ARID2: variants seen among roughly 807,000 people sequenced by gnomAD.
ARID2 encodes the protein AT-rich interactive domain-containing protein 2.
In ARID2, 32 loss-of-function variants were observed where a neutral mutation model predicts 184.6. The ratio of observed to expected loss-of-function variants is 0.17; its 90% CI spans 0.13 to 0.23. The LOEUF is 0.23. Ranked by LOEUF, ARID2 falls within the 10% of genes least tolerant of loss-of-function variation. The probability of loss-of-function intolerance (pLI) is 1.00; values close to 1 mark genes in which losing one functional copy is unlikely to be tolerated. For synonymous variants in ARID2, 836 were observed against 772.6 expected (o/e 1.08, Z -1.36); for missense variants, 1,696 against 2,197.6 (o/e 0.77, Z 4.56).
chr12:45,888,241 A>G (rs1944230636), intron 16 of ARID2, among the ~76,000 whole-genome samples: 1 of 152,160 alleles, frequency 6.6e-6, no homozygotes, highest in Non-Finnish European at 1.5e-5. Flanking sequence ...TTTTTCAGTA[A>G]TAAGCATTTT....
intron 3 of ARID2, among the ~76,000 whole-genome samples, chr12:45,749,643 T>C (rs967207928): frequency 2.0e-5 from 3 of 152,232 alleles, no homozygotes; most frequent in Admixed American, 6.5e-5. Context: ...AAATCTGTTG[T>C]TTAGTGTAGC....
chr12:45,763,404 A>G (rs957936933), intron 3 of ARID2, among the ~76,000 whole-genome samples: 2 of 151,720 alleles, frequency 1.3e-5, no homozygotes, highest in African/African-American at 4.8e-5. Context: ...CAGGAGGCGG[A>G]GGTTGCAGTG....
At chr12:45,746,589 A>G (rs1036526545) in intron 3 of ARID2, among the ~76,000 whole-genome samples, 24 of 152,192 alleles carry the variant, frequency 1.6e-4, no homozygotes, top group African/African-American at 5.3e-4. Flanking sequence ...TTAAGTTTAT[A>G]TTTTTTTAGC....
chr12:45,882,512 T>A (rs899746188), intron 16 of ARID2, among the ~76,000 whole-genome samples: 1 of 152,248 alleles, frequency 6.6e-6, no homozygotes, highest in Non-Finnish European at 1.5e-5. Flanking sequence ...TACTTCTACT[T>A]CTTCCAAAAG....
chr12:45,798,845 A>C (rs964456566), intron 3 of ARID2, among the ~76,000 whole-genome samples: 1 of 151,998 alleles, frequency 6.6e-6, no homozygotes, highest in African/African-American at 2.4e-5. Context: ...TACTTCTTCC[A>C]TCCAGCTTTA....
intron 16 of ARID2, among the ~76,000 whole-genome samples, chr12:45,870,403 A>G (rs1270927371): frequency 2.6e-5 from 4 of 152,184 alleles, no homozygotes; most frequent in African/African-American, 7.2e-5. Flanking sequence ...GACACCTTGC[A>G]TTAGTGTGGT....
chr12:45,750,205 T>C (rs899712452), intron 3 of ARID2, among the ~76,000 whole-genome samples: 4 of 152,130 alleles, frequency 2.6e-5, no homozygotes, highest in Non-Finnish European at 5.9e-5. Flanking sequence ...TATAGTTGTG[T>C]CTCAGGGTAT....
intron 16 of ARID2, among the ~76,000 whole-genome samples, chr12:45,874,670 A>G (rs1943982444): frequency 6.6e-5 from 10 of 152,130 alleles, no homozygotes; most frequent in Admixed American, 6.5e-4. Flanking sequence ...TTTCTTCCAT[A>G]CTCCTGCTAA....
At chr12:45,765,056 A>G (rs1255670247) in intron 3 of ARID2, among the ~76,000 whole-genome samples, 2 of 152,212 alleles carry the variant, frequency 1.3e-5, no homozygotes. Context: ...AAGATGTGTA[A>G]TAATATCTCA....
intron 16 of ARID2, 115 bp downstream of exon 16, chr12:45,861,064 T>C (rs1943737982): frequency 1.1e-6 from 1 of 884,788 alleles, no homozygotes. Context: ...CCACTAACTT[T>C]AGCGAAACTA....
rs2138092229 is a variant in ARID2, at chr12:45,817,677, G to T, written c.426G>T (p.Leu142=). ...NYQQHSVSDY[L]RQSYGLSMDF... is the part of the protein sequence containing the mutation. ...ATTTTTTTTCTTTGTTAGATTATCT[G>T]CGTCAAAGTTATGGGCTGTCCATGG... The change falls in exon 5 of 21, where the codon CTG becomes CTT. Residue 142 remains leucine (L), a synonymous_variant. Coordinates refer to ENST00000334344, the MANE Select transcript of ARID2 (RefSeq NM_152641.4). 6.2e-7 allele frequency: 1 copy of T among 1,604,970 alleles called. No homozygotes were observed. The highest frequency in any genetic ancestry group is 1.7e-5 in the Admixed American group (1 of 58,538).
intron 18 of ARID2, among the ~76,000 whole-genome samples, chr12:45,893,033 T>C (rs1232017119): frequency 1.3e-5 from 2 of 152,212 alleles, no homozygotes; most frequent in African/African-American, 4.8e-5. Flanking sequence ...AGAAATAATT[T>C]GTAGCAAAAA....
At chr12:45,889,104 C>T (rs1480229659) in intron 16 of ARID2, among the ~76,000 whole-genome samples, 1 of 152,196 alleles carries the variant, frequency 6.6e-6, no homozygotes, top group Non-Finnish European at 1.5e-5. Flanking sequence ...AACACTTGAA[C>T]TCAGGAGATA....
intron 3 of ARID2, among the ~76,000 whole-genome samples, chr12:45,738,444 A>ACAG (rs1941174465): frequency 6.6e-6 from 1 of 152,026 alleles, no homozygotes; most frequent in African/African-American, 2.4e-5. Flanking sequence ...TCTCCCAGGT[A>ACAG]GCTGGAATTA....
rs1161789007 is a variant in ARID2, at chr12:45,905,293, AAAG to A, written c.*218_*220del. 1.6e-5 allele frequency: 7 copies of A among 441,298 alleles called. No individual in the cohort carries two copies. Among genetic ancestry groups the A allele is most frequent in the East Asian group, 7.4e-5 (2 of 27,196 alleles). 27.3% of individuals were successfully genotyped at this position (441,298 alleles called of 1,614,324 possible). On this transcript the variant is annotated 3_prime_UTR_variant, in exon 21 of 21. Transcript: ENST00000334344. ...TCTAAAAAGAAAAAGGAAAAAAAAAAAAGAACTGCTGTGGGATTGTCAACCAGC... is the reference window on the plus strand; with the variant it reads ...TCTAAAAAGAAAAAGGAAAAAAAAAAAACTGCTGTGGGATTGTCAACCAGC...
intron 5 of ARID2, among the ~76,000 whole-genome samples, chr12:45,820,079 A>G (rs1054101260): frequency 3.2e-4 from 48 of 152,034 alleles, no homozygotes; most frequent in Non-Finnish European, 7.1e-4. Context: ...TTTCAGGACA[A>G]AGAAAACTTT....
At chr12:45,899,386 C>T (rs893263610) in intron 20 of ARID2, among the ~76,000 whole-genome samples, 9 of 149,408 alleles carry the variant, frequency 6.0e-5, no homozygotes, top group South Asian at 2.1e-4. Flanking sequence ...GGGCAGATCA[C>T]GAGGTCAGGA....
At chr12:45,761,282 C>CTTGT (rs1220429995) in intron 3 of ARID2, among the ~76,000 whole-genome samples, 5 of 152,184 alleles carry the variant, frequency 3.3e-5, no homozygotes, top group Non-Finnish European at 7.4e-5. Context: ...TATGAATACA[C>CTTGT]TTGTTTTAAG....
chr12:45,759,200 G>A (rs1414099999), intron 3 of ARID2, among the ~76,000 whole-genome samples: 1 of 152,110 alleles, frequency 6.6e-6, no homozygotes, highest in Non-Finnish European at 1.5e-5. Flanking sequence ...CTCTGTAAAT[G>A]AGTAACTTAT....
Sources: gnomAD v4.1 joint callset for allele counts (sites outside exome capture counted in the v4.1 genomes callset) on GRCh38, gnomAD v4.1.1 for gene constraint, MANE v1.5 for transcripts, NCBI Gene and HGNC (gene_info 2026-07-23, HGNC 2026-07-21) for gene names.